The following ITPR2 variants were observed in gnomAD, a reference collection of about 807,000 sequenced individuals.
The protein encoded by ITPR2 is inositol 1,4,5-trisphosphate receptor type 2.
A neutral mutation model predicts 317.1 loss-of-function variants in ITPR2; 207 were observed. That is an observed-to-expected ratio of 0.65 (90% confidence interval 0.58 to 0.73). ITPR2 has a LOEUF of 0.73. Ranked by LOEUF, ITPR2 falls within the 30% of genes least tolerant of loss-of-function variation. The pLI, the probability that ITPR2 is intolerant of heterozygous loss-of-function variation, is 0.00. For synonymous variants in ITPR2, 1,156 were observed against 1,149.1 expected (o/e 1.01, Z -0.12); for missense variants, 2,613 against 3,284.0 (o/e 0.80, Z 4.99).
chr12:26,509,399 T>C (rs1943270103), intron 37 of ITPR2, among the ~76,000 whole-genome samples: 1 of 152,206 alleles, frequency 6.6e-6, no homozygotes. Flanking sequence ...TATGTGAATA[T>C]CTCAATAAAG....
chr12:26,695,162 A>C (rs1948315735), intron 10 of ITPR2, among the ~76,000 whole-genome samples: 1 of 152,334 alleles, frequency 6.6e-6, no homozygotes, highest in South Asian at 2.1e-4. Context: ...TTACGCCAAA[A>C]TATCTAGTTA....
At chr12:26,707,351 T>C (rs1319745333) in intron 9 of ITPR2, among the ~76,000 whole-genome samples, 1 of 152,124 alleles carries the variant, frequency 6.6e-6, no homozygotes, top group Non-Finnish European at 1.5e-5. Context: ...AATATCTAGA[T>C]ATTAAAGAGA....
intron 36 of ITPR2, among the ~76,000 whole-genome samples, chr12:26,553,798 C>A (rs763916739): frequency 6.6e-6 from 1 of 152,032 alleles, no homozygotes; most frequent in African/African-American, 2.4e-5. Flanking sequence ...AAAAAAGACC[C>A]CTGGCAAAGC....
intron 37 of ITPR2, among the ~76,000 whole-genome samples, chr12:26,500,642 C>T (rs1348666967): frequency 6.6e-6 from 1 of 152,146 alleles, no homozygotes; most frequent in Non-Finnish European, 1.5e-5. Flanking sequence ...CATAAAAAGA[C>T]ATCTTTTGTG....
intron 45 of ITPR2, among the ~76,000 whole-genome samples, chr12:26,459,179 C>T (rs997856784): frequency 6.6e-6 from 1 of 152,208 alleles, no homozygotes; most frequent in Non-Finnish European, 1.5e-5. Flanking sequence ...TGTACACACA[C>T]TTCTGCTGAA....
intron 54 of ITPR2, among the ~76,000 whole-genome samples, chr12:26,394,005 C>CA (rs34839437): frequency 0.15 from 21,915 of 148,744 alleles, 1,703 homozygotes; most frequent in African/African-American, 0.18. Context: ...ATTATGAAAG[C>CA]AAAAAAAAAT....
At chr12:26,559,380 G>T (rs1388912756) in intron 35 of ITPR2, among the ~76,000 whole-genome samples, 1 of 152,214 alleles carries the variant, frequency 6.6e-6, no homozygotes, top group Non-Finnish European at 1.5e-5. Context: ...TCTGGAGGCT[G>T]CAAAGTCCAA....
chr12:26,658,146 A>G lies in ITPR2; in HGVS notation c.1887-16T>C, dbSNP rs1245238273. On this transcript the variant is annotated splice_polypyrimidine_tract_variant and intron_variant, in intron 16 of 56. Coordinates refer to ENST00000381340, the MANE Select transcript of ITPR2 (RefSeq NM_002223.4). ...ATCCAAAAACCTGGCAAAAGAAAAA[A>G]ATTAAATGGAATATGAAGACAAAGC... 1 of 1,535,918 alleles carries G rather than the reference A, an allele frequency of 6.5e-7. No individual in the cohort carries two copies. The highest frequency in any genetic ancestry group is 8.8e-7 in the Non-Finnish European group (1 of 1,138,788).
chr12:26,732,561 C>G (rs1592079648), intron 2 of ITPR2, among the ~76,000 whole-genome samples: 1 of 152,158 alleles, frequency 6.6e-6, no homozygotes, highest in African/African-American at 2.4e-5. Flanking sequence ...TAATAAAGAT[C>G]ACTGGATCTT....
intron 36 of ITPR2, 148 bp from the exon 37 acceptor site, chr12:26,550,503 C>T: frequency 1.8e-6 from 1 of 570,870 alleles, no homozygotes; most frequent in Admixed American, 3.8e-5. Context: ...TTTAAGATCA[C>T]ACTTCAGCTT....
intron 2 of ITPR2, among the ~76,000 whole-genome samples, chr12:26,728,837 C>G (rs1223230231): frequency 6.6e-6 from 1 of 152,196 alleles, no homozygotes; most frequent in Admixed American, 6.5e-5. Context: ...TTGCTTCATT[C>G]TTTCAGCAAT....
intron 2 of ITPR2, among the ~76,000 whole-genome samples, chr12:26,741,879 G>A (rs1949235411): frequency 6.6e-6 from 1 of 152,202 alleles, no homozygotes; most frequent in Non-Finnish European, 1.5e-5. Context: ...GCAGGCATGA[G>A]CTAAACTCTG....
chr12:26,766,961 G>GTA (rs1565747357), intron 2 of ITPR2, among the ~76,000 whole-genome samples: 1 of 152,070 alleles, frequency 6.6e-6, no homozygotes, highest in Non-Finnish European at 1.5e-5. Context: ...GCATGTGTGC[G>GTA]TATATATATA....
intron 37 of ITPR2, among the ~76,000 whole-genome samples, chr12:26,541,885 T>TA (rs796499618): frequency 0.018 from 2,652 of 144,478 alleles, 60 homozygotes; most frequent in African/African-American, 0.058. Context: ...ATTTTAGAGT[T>TA]AAAAAAAAAA....
intron 1 of ITPR2, among the ~76,000 whole-genome samples, chr12:26,808,768 A>C (rs1402452631): frequency 1.3e-5 from 2 of 152,202 alleles, no homozygotes; most frequent in Admixed American, 6.5e-5. Flanking sequence ...TTAAAGCATA[A>C]GCATAACTTG....
At chr12:26,686,314 C>T (rs1948122481) in intron 11 of ITPR2, among the ~76,000 whole-genome samples, 167 bp downstream of exon 11, 1 of 152,002 alleles carries the variant, frequency 6.6e-6, no homozygotes, top group African/African-American at 2.4e-5. Flanking sequence ...AAGAATAAAA[C>T]AAACTATGTT....
intron 37 of ITPR2, among the ~76,000 whole-genome samples, chr12:26,505,132 T>C (rs1216282220): frequency 2.6e-5 from 4 of 152,212 alleles, no homozygotes; most frequent in Non-Finnish European, 4.4e-5. Flanking sequence ...CTAAAATTTA[T>C]GTTGTATATA....
intron 37 of ITPR2, among the ~76,000 whole-genome samples, chr12:26,546,404 C>G (rs1262241246): frequency 3.9e-5 from 6 of 152,124 alleles, no homozygotes; most frequent in Non-Finnish European, 5.9e-5. Context: ...TTCATATGAT[C>G]AAATGTGTTA....
At chr12:26,802,565 A>C (rs974343239) in intron 1 of ITPR2, among the ~76,000 whole-genome samples, 3 of 50,372 alleles carry the variant, frequency 6.0e-5, no homozygotes, top group South Asian at 7.8e-4. Context: ...ATATCTATAT[A>C]TAGATATAGA....
Sources: allele counts gnomAD v4.1 joint callset (sites outside exome capture counted in the v4.1 genomes callset), GRCh38; gene constraint gnomAD v4.1.1; transcripts MANE v1.5; gene names NCBI Gene and HGNC (gene_info 2026-07-23, HGNC 2026-07-21).